PCGF3: variants seen among roughly 807,000 people sequenced by gnomAD.
PCGF3 encodes polycomb group RING finger protein 3.
PCGF3 carries 7 observed loss-of-function variants against 33.1 expected under a neutral mutation model. The observed-to-expected ratio is 0.21, with a 90% CI of 0.12 to 0.40. The LOEUF is 0.40. Among genes scored for constraint, PCGF3 ranks in the 10% least tolerant of loss-of-function variants. PCGF3 has a pLI of 1.00. For synonymous variants in PCGF3, 153 were observed against 121.3 expected, an observed-to-expected ratio of 1.26 and a Z score of -1.72; for missense variants, 211 against 313.3, an observed-to-expected ratio of 0.67 and a Z score of 2.46.
In PCGF3 at chr4:715,952, G is replaced by C. The variant is rs1483516766; in HGVS notation, c.-190+9982G>C. Among the ~76,000 whole-genome samples the C allele has an allele frequency of 2.6e-4, 30 of 113,320 alleles. 1 individual carries two copies. The highest frequency in any genetic ancestry group is 5.2e-4 in the Non-Finnish European group (27 of 52,148). 74.3% of individuals were successfully genotyped at this position (113,320 alleles called of 152,430 possible). ...CTGTAGACACTGAGGGTGAGAACTG[G>C]GCGTCGGTGCTGGGACCCTGAAGAC... On this transcript the variant is annotated intron_variant, in intron 1 of 10. Transcript: ENST00000362003.
chr4:758,244 C>T (rs1005932102), intron 8 of PCGF3, among the ~76,000 whole-genome samples: 5 of 151,962 alleles, frequency 3.3e-5, no homozygotes, highest in East Asian at 1.9e-4. Context: ...ACCCCCACCG[C>T]GGCTCTCACC....
At chr4:754,807 G>A (rs1427271094) in intron 8 of PCGF3, among the ~76,000 whole-genome samples, 2 of 152,242 alleles carry the variant, frequency 1.3e-5, no homozygotes, top group Admixed American at 6.5e-5. Context: ...TGCCTGCACG[G>A]CCAGGGTGGC....
At chr4:731,138 G>C (rs1341847154) in intron 3 of PCGF3, 28 bp downstream of exon 3, 1 of 398,494 alleles carries the variant, frequency 2.5e-6, no homozygotes, top group Non-Finnish European at 4.4e-6. Flanking sequence ...CGACCCCGGG[G>C]GTCCTGCTGA....
chr4:716,023 T>TGC (rs1266164735), intron 1 of PCGF3, among the ~76,000 whole-genome samples: 7 of 136,582 alleles, frequency 5.1e-5, no homozygotes, highest in African/African-American at 1.6e-4. Flanking sequence ...CTGTAGACAC[T>TGC]GAGTGTGAGA....
intron 1 of PCGF3, among the ~76,000 whole-genome samples, chr4:714,315 C>T (rs1742710923): frequency 6.6e-6 from 1 of 152,216 alleles, no homozygotes; most frequent in South Asian, 2.1e-4. Flanking sequence ...CCCAGACCCA[C>T]TCGTGGCCGT....
In PCGF3 at chr4:721,492, G is replaced by A. The variant is rs781259179; in HGVS notation, c.-189-9138G>A. Among the ~76,000 whole-genome samples the A allele has an allele frequency of 3.9e-5, 6 of 152,114 alleles. No individual in the cohort carries two copies. The highest frequency in any genetic ancestry group is 1.5e-5 in the Non-Finnish European group (1 of 68,022). On this transcript the variant is annotated intron_variant, in intron 1 of 10. Transcript: ENST00000362003. This position sits in a 1 kb window ranked among gnomAD's most constrained non-coding sequence, Gnocchi z 4.1. The stretch of plus-strand genomic sequence containing the variant: ...AGGCGTCCAGGCTGCAGAGGGTGCC[G>A]GGGTGGAGAGCGGAAGAGAGAGGGA...
rs542918561 is a variant in PCGF3, at chr4:706,286, T to G, written c.-190+316T>G. Among the ~76,000 whole-genome samples the G allele has an allele frequency of 7.9e-3, 851 of 107,250 alleles. 14 individuals are homozygous for G. Among genetic ancestry groups the G allele is most frequent in the African/African-American group, 0.029 (816 of 28,338 alleles). 70.4% of individuals were successfully genotyped at this position (107,250 alleles called of 152,430 possible). A position where few individuals can be genotyped will look rare whatever the true frequency, so the allele number is the denominator to read the frequency against. ...GGCAAGACCCCAGCCCAGGCAGGAC[T>G]CCGGGAGGTCGAAGACCCCAGCCCA... is the stretch of plus-strand genomic sequence containing the variant. On this transcript the variant is annotated intron_variant, in intron 1 of 10. Coordinates refer to ENST00000362003, the Ensembl canonical transcript of PCGF3.
At chr4:753,295 C>T (rs926902774) in intron 8 of PCGF3, among the ~76,000 whole-genome samples, 1 of 152,206 alleles carries the variant, frequency 6.6e-6, no homozygotes, top group African/African-American at 2.4e-5. Flanking sequence ...GTGCTTCTCC[C>T]AACTCAGCCT....
intron 7 of PCGF3, 101 bp from the exon 8 acceptor site, chr4:744,499 A>T: frequency 1.1e-6 from 1 of 877,066 alleles, no homozygotes; most frequent in Non-Finnish European, 1.8e-6. Flanking sequence ...AGAGTCTCTT[A>T]ATGGAGTGAA....
exon 11 of PCGF3, chr4:766,208 G>A: frequency 1.4e-6 from 1 of 693,810 alleles, no homozygotes; most frequent in East Asian, 2.7e-5. Context: ...TATAACTTTT[G>A]TATGAGAGAG....
At chr4:713,168 GTCA>G (rs1742648795) in intron 1 of PCGF3, among the ~76,000 whole-genome samples, 1 of 137,978 alleles carries the variant, frequency 7.2e-6, no homozygotes, top group African/African-American at 2.7e-5. Context: ...CCTGTGTGGC[GTCA>G]TGGGGGCTGT....
At chr4:729,099 CAAAAAAAAA>C (rs34927260) in intron 1 of PCGF3, among the ~76,000 whole-genome samples, 1 of 40,252 alleles carries the variant, frequency 2.5e-5, no homozygotes, top group Non-Finnish European at 4.0e-5. Context: ...GACTCCATCT[CAAAAAAAAA>C]AAAAAAAAAA....
intron 1 of PCGF3, among the ~76,000 whole-genome samples, chr4:709,875 G>A (rs1032902805): frequency 7.2e-5 from 11 of 152,178 alleles, no homozygotes; most frequent in Admixed American, 2.0e-4. Context: ...CAGTGTAACC[G>A]CCAGGGACCT....
intron 8 of PCGF3, among the ~76,000 whole-genome samples, chr4:747,725 C>G (rs1021283465): frequency 6.6e-6 from 1 of 151,062 alleles, no homozygotes; most frequent in African/African-American, 2.4e-5. Flanking sequence ...GGCCCCGGGC[C>G]TCCGGGACAC....
chr4:768,754 G>A lies in PCGF3; in HGVS notation c.*2675G>A, dbSNP rs896113207. ...TTCTATCATATTTTCCCATCCAATTGTTTGGTTTCAGTGGTCCAGCTTTAT... is the reference window on the plus strand; with the variant it reads ...TTCTATCATATTTTCCCATCCAATTATTTGGTTTCAGTGGTCCAGCTTTAT... On this transcript the variant is annotated 3_prime_UTR_variant, in exon 11 of 11. Coordinates refer to ENST00000362003, the Ensembl canonical transcript of PCGF3. 15 of 151,866 alleles carry A rather than the reference G, an allele frequency of 9.9e-5. 2 individuals carry two copies. The highest frequency in any genetic ancestry group is 1.9e-4 in the East Asian group (1 of 5,184). The allele number at this position is 151,866 out of a possible 1,614,324, so 9.4% of individuals were successfully genotyped here. A position where few individuals can be genotyped will look rare whatever the true frequency, so the allele number is the denominator to read the frequency against.
At chr4:744,558 G>T in intron 7 of PCGF3, 42 bp from the exon 8 acceptor site, 11 of 1,436,486 alleles carry the variant, frequency 7.7e-6, no homozygotes, top group Non-Finnish European at 9.6e-6. Flanking sequence ...TGGCTTGACA[G>T]TTTGGATTTC....
At chr4:738,335 T>A (rs1451679372) in intron 6 of PCGF3, among the ~76,000 whole-genome samples, 1 of 152,250 alleles carries the variant, frequency 6.6e-6, no homozygotes, top group African/African-American at 2.4e-5. Flanking sequence ...CAGAGTTCAT[T>A]CATGCAGGAA....
chr4:731,317 C>T (rs1485561880), intron 3 of PCGF3: 7 of 398,544 alleles, frequency 1.8e-5, no homozygotes, highest in South Asian at 2.6e-4. Context: ...GATGGCAGTG[C>T]GGGGTGCAGA....
chr4:741,130 C>T (rs1354950639), intron 6 of PCGF3, among the ~76,000 whole-genome samples: 1 of 152,226 alleles, frequency 6.6e-6, no homozygotes, highest in Non-Finnish European at 1.5e-5. Context: ...GACTCAACAC[C>T]AGCAATATCC....
Sources: gnomAD v4.1 joint callset for allele counts (sites outside exome capture counted in the v4.1 genomes callset) on GRCh38, gnomAD v4.1.1 for gene constraint, Gnocchi (gnomAD v3.1) non-coding constraint, MANE v1.5 for transcripts, NCBI Gene and HGNC (gene_info 2026-07-23, HGNC 2026-07-21) for gene names.